The following MPDZ variants were observed in gnomAD, a reference collection of about 807,000 sequenced individuals.
The protein encoded by MPDZ is multiple PDZ domain crumbs cell polarity complex component.
MPDZ carries 234 observed loss-of-function variants against 239.1 expected under a neutral mutation model. The observed-to-expected ratio is 0.98, with a 90% confidence interval of 0.88 to 1.09. The LOEUF is 1.09. Among genes scored for constraint, MPDZ ranks in the 50% least tolerant of loss-of-function variants. The pLI, the probability that MPDZ is intolerant of heterozygous loss-of-function variation, is 0.00. For synonymous variants in MPDZ, 1,048 were observed against 881.3 expected (o/e 1.19, Z -3.35); for missense variants, 3,175 against 2,510.0 (o/e 1.26, Z -5.66).
intron 22 of MPDZ, among the ~76,000 whole-genome samples, chr9:13,163,864 T>C (rs1950748062): frequency 6.6e-6 from 1 of 152,178 alleles, no homozygotes; most frequent in African/African-American, 2.4e-5. Context: ...GGAGTATACA[T>C]AATTTCAAAT....
chr9:13,124,430 G>T (rs1429146585), intron 35 of MPDZ, among the ~76,000 whole-genome samples: 1 of 152,084 alleles, frequency 6.6e-6, no homozygotes, highest in Non-Finnish European at 1.5e-5. Context: ...CAGTTTGGAG[G>T]CCAAAAGAAA....
At chr9:13,276,097 C>T (rs945623531) in intron 1 of MPDZ, among the ~76,000 whole-genome samples, 18 of 152,118 alleles carry the variant, frequency 1.2e-4, no homozygotes, top group African/African-American at 4.3e-4. Flanking sequence ...CCATTAGATT[C>T]CTCCAACTAA....
intron 31 of MPDZ, 153 bp downstream of exon 31, chr9:13,135,934 AGTGTC>A (rs1946672966): frequency 3.7e-6 from 2 of 533,498 alleles, no homozygotes; most frequent in Non-Finnish European, 6.6e-6. Context: ...TATTTCCATG[AGTGTC>A]TTCTTATACT....
intron 42 of MPDZ, 29 bp from the exon 43 acceptor site, chr9:13,112,175 T>C (rs776681355): frequency 6.3e-7 from 1 of 1,583,832 alleles, no homozygotes; most frequent in East Asian, 2.3e-5. Context: ...AAAATTTTGG[T>C]CAAAGTGATA....
intron 28 of MPDZ, among the ~76,000 whole-genome samples, chr9:13,139,694 C>T (rs894813990): frequency 4.6e-5 from 7 of 152,148 alleles, no homozygotes; most frequent in African/African-American, 1.4e-4. Flanking sequence ...GTTTGAGACA[C>T]AGAGTGGCTG....
chr9:13,111,529 G>T (rs1942471629), intron 43 of MPDZ, among the ~76,000 whole-genome samples: 1 of 152,162 alleles, frequency 6.6e-6, no homozygotes, highest in Non-Finnish European at 1.5e-5. Context: ...AAATTCCATT[G>T]CAATGCTCCA....
At position 13,266,088 on chromosome 9, in the gene MPDZ, A is replaced by G. The variant is rs572775313; in HGVS notation, c.-58+13312T>C. On this transcript the variant is annotated intron_variant, in intron 1 of 46. Coordinates refer to ENST00000319217, the MANE Select transcript of MPDZ (RefSeq NM_001378778.1). ...TTATGAAGAGTGTTGTATATTGCAT[A>G]AACTCCTTAGGTATCACTGAGCTAT... is the stretch of plus-strand genomic sequence containing the variant. Among the ~76,000 whole-genome samples the G allele has an allele frequency of 2.0e-5, 3 of 152,324 alleles. No individual in the cohort carries two copies. In the East Asian group the frequency reaches 5.8e-4, roughly 29 times the overall value.
In MPDZ at chr9:13,193,034, T is replaced by A. The variant is rs890219565; in HGVS notation, c.1803+133A>T. On this transcript the variant is annotated intron_variant, in intron 14 of 46. Transcript: ENST00000319217. ...ATACAAAATTTCTGCTTTGGGTTGT[T>A]TTTATCTGTAGATTTCTCTCAAGTC... is the stretch of plus-strand genomic sequence containing the variant. 60 of 848,298 alleles carry A rather than the reference T, an allele frequency of 7.1e-5. No homozygotes were observed. The African/African-American group carries it at 1.0e-3, about 14-fold the overall frequency. 52.5% of individuals were successfully genotyped at this position (848,298 alleles called of 1,614,324 possible). A position where few individuals can be genotyped will look rare whatever the true frequency, so the allele number is the denominator to read the frequency against.
At chr9:13,110,492 C>A in intron 44 of MPDZ, 144 bp downstream of exon 44, 2 of 669,180 alleles carry the variant, frequency 3.0e-6, no homozygotes, top group Non-Finnish European at 5.2e-6. Context: ...TTTATTGGAA[C>A]TCTTAATTTA....
At chr9:13,136,864 C>A in intron 29 of MPDZ, 61 bp from the exon 30 acceptor site, 1 of 947,470 alleles carries the variant, frequency 1.1e-6, no homozygotes, top group Non-Finnish European at 1.6e-6. Context: ...GTTTTATCAT[C>A]CTTCCTCATT....
intron 1 of MPDZ, among the ~76,000 whole-genome samples, chr9:13,277,479 G>T (rs773565642): frequency 1.4e-4 from 21 of 152,298 alleles, no homozygotes; most frequent in Middle Eastern, 3.4e-3. Flanking sequence ...GCACACAAGG[G>T]TACAGGTGCC....
chr9:13,131,580 G>C (rs950211432), intron 32 of MPDZ, among the ~76,000 whole-genome samples: 3 of 152,108 alleles, frequency 2.0e-5, no homozygotes, highest in African/African-American at 7.2e-5. Context: ...GAGCCCTGTA[G>C]CATAAATAAT....
chr9:13,179,932 T>G (rs1953053219), intron 19 of MPDZ, among the ~76,000 whole-genome samples: 1 of 152,084 alleles, frequency 6.6e-6, no homozygotes, highest in Non-Finnish European at 1.5e-5. Flanking sequence ...TATTATACAT[T>G]TAAAAAATAG....
At chr9:13,252,568 CAA>C (rs56937303) in intron 1 of MPDZ, among the ~76,000 whole-genome samples, 7 of 129,718 alleles carry the variant, frequency 5.4e-5, no homozygotes, top group African/African-American at 5.9e-5. Flanking sequence ...CTGTCCCCCG[CAA>C]AAAAAAAAAA....
chr9:13,158,494 G>GT (rs1279860599), intron 23 of MPDZ, among the ~76,000 whole-genome samples: 11 of 152,134 alleles, frequency 7.2e-5, no homozygotes, highest in Non-Finnish European at 1.6e-4. Flanking sequence ...CACCATGTAG[G>GT]TTTTAAGCAT....
At chr9:13,224,671 T>C (rs1205151915) in intron 3 of MPDZ, 88 bp from the exon 4 acceptor site, 1 of 899,152 alleles carries the variant, frequency 1.1e-6, no homozygotes, top group East Asian at 2.7e-5. Context: ...GACATACAAA[T>C]GAAATTTCAA....
Position 13,183,554 on chromosome 9 carries a change from T to C in MPDZ, c.2513A>G (p.Glu838Gly). ...AGAGTATGGAGACTCAAATGTGGAT[T>C]CATCTACTAAGTCAGCATCATTTGT... ...VGTNDADLVD[E>G]STFESPYSPE... Residue 838 changes from glutamate to glycine, a missense_variant, in exon 19 of 47, where the codon GAA becomes GGA. Physicochemically the swap from Glu to Gly is moderately conservative, Grantham distance 98. Transcript: ENST00000319217. 2 of 1,612,520 alleles carry C rather than the reference T, an allele frequency of 1.2e-6. No homozygotes were observed. The highest frequency in any genetic ancestry group is 1.1e-5 in the South Asian group (1 of 91,024).
intron 32 of MPDZ, among the ~76,000 whole-genome samples, chr9:13,130,242 C>T (rs980155846): frequency 1.3e-5 from 2 of 152,056 alleles, no homozygotes; most frequent in African/African-American, 4.8e-5. Flanking sequence ...TTCTATTTTC[C>T]CATTTTTAAA....
At position 13,236,197 on chromosome 9, in the gene MPDZ, A is replaced by ATGTGTGTGTGTG. The variant is rs377695828; in HGVS notation, c.183+11426_183+11437dup. Among the ~76,000 whole-genome samples the ATGTGTGTGTGTG allele has an allele frequency of 1.1e-3, 87 of 76,960 alleles. 2 individuals carry two copies. The highest frequency in any genetic ancestry group is 3.0e-3 in the African/African-American group (62 of 20,658). 50.5% of individuals were successfully genotyped at this position (76,960 alleles called of 152,430 possible). ...TTTGTGTGTGTGTGTTTCTGTATAT[A>ATGTGTGTGTGTG]TGTGTGTGTGTGTGTGTGTGTGTGT... On this transcript the variant is annotated intron_variant, in intron 3 of 46. Transcript: ENST00000319217.
Sources: gnomAD v4.1 joint callset for allele counts (sites outside exome capture counted in the v4.1 genomes callset) on GRCh38, gnomAD v4.1.1 for gene constraint, MANE v1.5 for transcripts, NCBI Gene and HGNC (gene_info 2026-07-23, HGNC 2026-07-21) for gene names.